PSPC1: variants seen among roughly 807,000 people sequenced by gnomAD.
PSPC1 encodes paraspeckle component 1.
A neutral mutation model predicts 51.6 loss-of-function variants in PSPC1; 14 were observed. The observed-to-expected ratio is 0.27, with a 90% confidence interval of 0.18 to 0.42. The LOEUF is 0.42. PSPC1 is among the 10% of genes least tolerant of loss of function. The probability of loss-of-function intolerance (pLI) is 1.00; values close to 1 mark genes in which losing one functional copy is unlikely to be tolerated. For synonymous variants in PSPC1, 193 were observed against 231.9 expected, an observed-to-expected ratio of 0.83 and a Z score of 1.53; for missense variants, 406 against 701.1, an observed-to-expected ratio of 0.58 and a Z score of 4.75.
At chr13:19,679,331 CA>C (rs66696222) in intron 6 of PSPC1, among the ~76,000 whole-genome samples, 1 of 151,928 alleles carries the variant, frequency 6.6e-6, no homozygotes, top group East Asian at 1.9e-4. Flanking sequence ...CCCGTCTCTA[CA>C]AAAAAATACA....
At chr13:19,753,198 G>A (rs1419706578) in intron 3 of PSPC1, among the ~76,000 whole-genome samples, 5 of 149,202 alleles carry the variant, frequency 3.4e-5, no homozygotes, top group Admixed American at 1.4e-4. Context: ...CAGGAGAATC[G>A]CTTGAACTCG....
intron 5 of PSPC1, among the ~76,000 whole-genome samples, chr13:19,741,228 T>C (rs759901262): frequency 2.0e-5 from 3 of 152,180 alleles, no homozygotes; most frequent in Non-Finnish European, 4.4e-5. Flanking sequence ...AAGATATTCA[T>C]AGTAGAGTTT....
downstream of PSPC1, among the ~76,000 whole-genome samples, chr13:19,701,569 A>G (rs910101832): frequency 3.3e-5 from 5 of 152,162 alleles, no homozygotes; most frequent in Non-Finnish European, 7.4e-5. Context: ...TTCCATCCAC[A>G]CTGTGTATCA....
At chr13:19,671,318 C>T, downstream of PSPC1, 1 of 1,570,874 alleles carries the variant, frequency 6.4e-7, no homozygotes, top group Non-Finnish European at 8.8e-7. Flanking sequence ...CATTTAGTGT[C>T]ACTACTCAAG....
At chr13:19,694,888 A>G (rs1879022758) in intron 6 of PSPC1, among the ~76,000 whole-genome samples, 1 of 152,216 alleles carries the variant, frequency 6.6e-6, no homozygotes, top group African/African-American at 2.4e-5. Context: ...TAACTAAAAG[A>G]GTAGCTGTCA....
intron 2 of PSPC1, among the ~76,000 whole-genome samples, chr13:19,767,496 T>C (rs898194305): frequency 2.6e-5 from 4 of 151,716 alleles, no homozygotes; most frequent in Admixed American, 2.0e-4. Context: ...AATAAGCAAA[T>C]ACAAAGAACC....
chr13:19,769,775 A>T (rs1203410337), intron 2 of PSPC1, among the ~76,000 whole-genome samples: 1 of 152,012 alleles, frequency 6.6e-6, no homozygotes, highest in Non-Finnish European at 1.5e-5. Flanking sequence ...TAATAAAAAT[A>T]AAAAATAAAA....
chr13:19,688,994 A>T (rs530330879), intron 6 of PSPC1, among the ~76,000 whole-genome samples: 41 of 151,682 alleles, frequency 2.7e-4, no homozygotes, highest in African/African-American at 9.9e-4. Flanking sequence ...TCATTGTAGT[A>T]TTCCTACACT....
chr13:19,772,301 T>C lies in PSPC1; in HGVS notation c.615A>G (p.Ala205=), dbSNP rs201010491. ...ATGKGFVEFA[A]KPPARKALER... is the part of the protein sequence containing the mutation. The stretch of plus-strand genomic sequence containing the variant: ...CCAGAGCCTTTCGTGCAGGAGGTTT[T>C]GCTGCAAACTCTACAAAACCTTTTC... The change falls in exon 2 of 9, where the codon GCA becomes GCG. Residue 205 remains alanine, a synonymous_variant. Transcript: ENST00000338910. The C allele has an allele frequency of 1.1e-4, 185 of 1,614,250 alleles. 1 individual carries two copies. The African/African-American group carries it at 2.0e-3, about 18-fold the overall frequency.
intron 6 of PSPC1, among the ~76,000 whole-genome samples, chr13:19,684,248 A>G (rs1877599151): frequency 1.3e-5 from 2 of 152,244 alleles, no homozygotes; most frequent in African/African-American, 4.8e-5. Flanking sequence ...AAAAACAGTC[A>G]AGAAAAAAAC....
chr13:19,779,870 G>A (rs1358444585), intron 1 of PSPC1, among the ~76,000 whole-genome samples: 45 of 57,420 alleles, frequency 7.8e-4, no homozygotes, highest in Non-Finnish European at 1.0e-3. Flanking sequence ...TGGGGGGGTC[G>A]GCCCCCCGCC....
chr13:19,692,691 C>T (rs1878711853), intron 6 of PSPC1, among the ~76,000 whole-genome samples: 1 of 152,188 alleles, frequency 6.6e-6, no homozygotes, highest in Non-Finnish European at 1.5e-5. Flanking sequence ...CCTGAACACA[C>T]TTACCTTTGG....
chr13:19,691,236 C>G (rs1242169195), intron 6 of PSPC1, among the ~76,000 whole-genome samples: 1 of 152,136 alleles, frequency 6.6e-6, no homozygotes, highest in African/African-American at 2.4e-5. Flanking sequence ...AAAAAGTAGG[C>G]ATTGCTGGGC....
rs760623638 is a variant in PSPC1, at chr13:19,782,918, C to T, written c.-161G>A. On this transcript the variant is annotated 5_prime_UTR_variant, in exon 1 of 9. Coordinates refer to ENST00000338910, the MANE Select transcript of PSPC1 (RefSeq NM_001354909.2). The surrounding 1 kb of genome is among the most constrained non-coding windows in gnomAD (Gnocchi z 4.5). ...GCAACCCGTCCTCCCCCAACTCACG[C>T]CCGCTGCAGCTGCACATTCAAAATG... 2 of 692,506 alleles carry T rather than the reference C, an allele frequency of 2.9e-6. No individual in the cohort carries two copies. Among genetic ancestry groups the T allele is most frequent in the South Asian group, 4.0e-5 (1 of 25,274 alleles). 42.9% of individuals were successfully genotyped at this position (692,506 alleles called of 1,614,324 possible).
intron 7 of PSPC1, among the ~76,000 whole-genome samples, chr13:19,706,178 A>C (rs1028340390): frequency 6.6e-6 from 1 of 152,230 alleles, no homozygotes; most frequent in Non-Finnish European, 1.5e-5. Context: ...TTACCAGTTT[A>C]AATGAGTAAC....
intron 1 of PSPC1, among the ~76,000 whole-genome samples, chr13:19,774,667 T>C (rs1319828454): frequency 2.0e-5 from 3 of 151,038 alleles, no homozygotes; most frequent in Non-Finnish European, 4.4e-5. Context: ...AGCCGGGGCA[T>C]GGTGGTAAGC....
At chr13:19,728,443 C>A (rs1471728357) in intron 6 of PSPC1, among the ~76,000 whole-genome samples, 5 of 10,790 alleles carry the variant, frequency 4.6e-4, no homozygotes, top group Admixed American at 3.5e-3. Context: ...AGCTTAAACA[C>A]ACACACACAC....
chr13:19,707,871 T>C (rs1198878222), intron 7 of PSPC1, among the ~76,000 whole-genome samples: 1 of 152,056 alleles, frequency 6.6e-6, no homozygotes, highest in Non-Finnish European at 1.5e-5. Flanking sequence ...ATTCCTAAAA[T>C]CCTTAAAATT....
At chr13:19,767,230 C>T (rs563011412) in intron 2 of PSPC1, among the ~76,000 whole-genome samples, 1 of 152,128 alleles carries the variant, frequency 6.6e-6, no homozygotes, top group East Asian at 1.9e-4. Flanking sequence ...AAAGAGCATT[C>T]TCTAAGGAAA....
Sources: gnomAD v4.1 joint callset for allele counts (sites outside exome capture counted in the v4.1 genomes callset) on GRCh38, gnomAD v4.1.1 for gene constraint, Gnocchi (gnomAD v3.1) non-coding constraint, MANE v1.5 for transcripts, NCBI Gene and HGNC (gene_info 2026-07-23, HGNC 2026-07-21) for gene names.